Variants in OPCML observed in about 807,000 individuals in gnomAD.
OPCML encodes opioid binding protein/cell adhesion molecule like.
In OPCML, 13 loss-of-function variants were observed where a neutral mutation model predicts 37.8. That is an observed-to-expected ratio of 0.34 (90% CI 0.22 to 0.55). The LOEUF is 0.55. Ranked by LOEUF, OPCML falls within the 20% of genes least tolerant of loss-of-function variation. OPCML has a pLI of 0.91. For synonymous variants in OPCML, 176 were observed against 168.8 expected, an observed-to-expected ratio of 1.04 and a Z score of -0.33; for missense variants, 341 against 435.6, an observed-to-expected ratio of 0.78 and a Z score of 1.93.
intron 1 of OPCML, among the ~76,000 whole-genome samples, chr11:133,266,185 G>C (rs1354805996): frequency 6.6e-6 from 1 of 152,094 alleles, no homozygotes; most frequent in Non-Finnish European, 1.5e-5. Context: ...CAAGAACCAG[G>C]ACTTAGGGAA....
intron 1 of OPCML, among the ~76,000 whole-genome samples, chr11:133,220,959 C>T (rs1939792868): frequency 6.6e-6 from 1 of 152,244 alleles, no homozygotes; most frequent in Non-Finnish European, 1.5e-5. Flanking sequence ...AATCTCACGG[C>T]TGTATGGCCC....
intron 4 of OPCML, among the ~76,000 whole-genome samples, chr11:132,439,272 C>G (rs1234800365): frequency 6.6e-6 from 1 of 152,180 alleles, no homozygotes; most frequent in African/African-American, 2.4e-5. Context: ...GACCCACATG[C>G]TCCCAGCCTA....
chr11:133,192,048 G>T (rs1003606374), intron 1 of OPCML, among the ~76,000 whole-genome samples: 2 of 152,152 alleles, frequency 1.3e-5, no homozygotes, highest in Admixed American at 6.5e-5. Flanking sequence ...AGTAAAAAAA[G>T]AACAATGAGA....
At chr11:132,464,259 G>A (rs1031868623) in intron 4 of OPCML, among the ~76,000 whole-genome samples, 9 of 151,896 alleles carry the variant, frequency 5.9e-5, no homozygotes, top group African/African-American at 1.2e-4. Context: ...GGAGGCTGTC[G>A]CAGACTGCCA....
intron 1 of OPCML, among the ~76,000 whole-genome samples, chr11:132,998,977 GA>G (rs1241314070): frequency 5.9e-5 from 9 of 152,276 alleles, no homozygotes; most frequent in African/African-American, 2.2e-4. Context: ...TATATACACA[GA>G]AGACCTCTGA....
chr11:132,926,829 A>G (rs1945009175), intron 2 of OPCML, among the ~76,000 whole-genome samples: 1 of 152,150 alleles, frequency 6.6e-6, no homozygotes, highest in African/African-American at 2.4e-5. Context: ...AATAATAAAA[A>G]GTAATCATGA....
At chr11:133,406,557 CT>C in intron 1 of OPCML, among the ~76,000 whole-genome samples, 1 of 152,204 alleles carries the variant, frequency 6.6e-6, no homozygotes, top group Non-Finnish European at 1.5e-5. Context: ...AGGAGCCGAG[CT>C]TTCCCTGGGT....
intron 1 of OPCML, chr11:133,422,629 T>C (rs1328505699): frequency 2.1e-6 from 2 of 970,630 alleles, no homozygotes; most frequent in East Asian, 2.3e-4. Flanking sequence ...GTAGTTGAGA[T>C]TATGGGTGTG....
chr11:132,602,301 C>T (rs1423637270), intron 3 of OPCML, among the ~76,000 whole-genome samples: 1 of 152,210 alleles, frequency 6.6e-6, no homozygotes, highest in Non-Finnish European at 1.5e-5. Flanking sequence ...ATATTCTCAC[C>T]TACAAGATGT....
chr11:133,033,538 C>A (rs571049947), intron 1 of OPCML, among the ~76,000 whole-genome samples: 19 of 152,302 alleles, frequency 1.2e-4, no homozygotes, highest in African/African-American at 4.6e-4. Context: ...TAAATAGCTT[C>A]TCATTTGCAA....
intron 2 of OPCML, among the ~76,000 whole-genome samples, chr11:132,908,743 A>G (rs1313897967): frequency 6.6e-6 from 1 of 152,278 alleles, no homozygotes; most frequent in East Asian, 1.9e-4. Flanking sequence ...TGATTTGTAC[A>G]TGCCATAAAT....
intron 1 of OPCML, among the ~76,000 whole-genome samples, chr11:133,433,519 C>T (rs1397926332): frequency 1.3e-5 from 2 of 152,066 alleles, no homozygotes; most frequent in African/African-American, 4.8e-5. Context: ...GCGGTGCCTG[C>T]GATTAAAGTG....
chr11:133,520,032 A>G (rs1228311519), intron 1 of OPCML, among the ~76,000 whole-genome samples: 1 of 152,138 alleles, frequency 6.6e-6, no homozygotes, highest in Non-Finnish European at 1.5e-5. Context: ...ATTAAGACAT[A>G]ATGAAGAATG....
At chr11:132,495,657 C>T (rs143095405) in intron 4 of OPCML, among the ~76,000 whole-genome samples, 4,045 of 152,134 alleles carry the variant, frequency 0.027, 115 homozygotes, top group Admixed American at 0.064. Context: ...TTTGGGAAGC[C>T]GAGGCAGGCA....
intron 1 of OPCML, among the ~76,000 whole-genome samples, chr11:133,273,744 C>G (rs1271277915): frequency 6.6e-6 from 1 of 152,126 alleles, no homozygotes; most frequent in Non-Finnish European, 1.5e-5. Flanking sequence ...ACTTCCTATC[C>G]AGAGGGCCCT....
In OPCML at chr11:133,015,411, G is replaced by T. The variant is rs866929637; in HGVS notation, c.62-72401C>A. 9.1e-3 allele frequency among the ~76,000 whole-genome samples: 1,019 copies of T among 111,754 alleles called. 15 individuals carry two copies. Among genetic ancestry groups the T allele is most frequent in the Middle Eastern group, 0.014 (3 of 216 alleles). 73.3% of individuals were successfully genotyped at this position (111,754 alleles called of 152,430 possible). A position where few individuals can be genotyped will look rare whatever the true frequency, so the allele number is the denominator to read the frequency against. On this transcript the variant is annotated intron_variant, in intron 1 of 7. Coordinates refer to ENST00000524381, the MANE Select transcript of OPCML (RefSeq NM_001012393.5). ...AGGAAGGAATGAAGGAAGGAAGGAA[G>T]GAAGGAAGGAAGGAAGGAATGAAGG...
chr11:133,249,835 C>A (rs535713110), intron 1 of OPCML, among the ~76,000 whole-genome samples: 233 of 152,258 alleles, frequency 1.5e-3, no homozygotes, highest in Non-Finnish European at 2.4e-3. Flanking sequence ...AAATACAATG[C>A]TAGAAGGCAG....
At chr11:132,541,785 G>T (rs2096357248) in intron 3 of OPCML, among the ~76,000 whole-genome samples, 1 of 152,182 alleles carries the variant, frequency 6.6e-6, no homozygotes, top group African/African-American at 2.4e-5. Flanking sequence ...GCTACAGCCA[G>T]CCCACAGCTT....
intron 1 of OPCML, among the ~76,000 whole-genome samples, chr11:133,190,477 T>C (rs761891690): frequency 6.6e-6 from 1 of 152,218 alleles, no homozygotes; most frequent in Non-Finnish European, 1.5e-5. Flanking sequence ...TTTATTGAGA[T>C]ATAGTTCATA....
Sources: gnomAD v4.1 joint callset for allele counts (sites outside exome capture counted in the v4.1 genomes callset) on GRCh38, gnomAD v4.1.1 for gene constraint, MANE v1.5 for transcripts, NCBI Gene and HGNC (gene_info 2026-07-23, HGNC 2026-07-21) for gene names.